The following MALT1 variants were observed in gnomAD, a reference collection of about 807,000 sequenced individuals.
The protein encoded by MALT1 is MALT1 paracaspase.
MALT1 carries 36 observed loss-of-function variants against 85.5 expected under a neutral mutation model. The ratio of observed to expected loss-of-function variants is 0.42; its 90% CI spans 0.32 to 0.56. MALT1 has a LOEUF of 0.56. MALT1 is among the 20% of genes least tolerant of loss of function. The pLI, the probability that MALT1 is intolerant of heterozygous loss-of-function variation, is 0.10. For synonymous variants in MALT1, 359 were observed against 361.3 expected, an observed-to-expected ratio of 0.99 and a Z score of 0.07; for missense variants, 716 against 981.6, an observed-to-expected ratio of 0.73 and a Z score of 3.62.
intron 2 of MALT1, among the ~76,000 whole-genome samples, chr18:58,696,158 C>G (rs1034174295): frequency 6.6e-6 from 1 of 152,220 alleles, no homozygotes; most frequent in African/African-American, 2.4e-5. Context: ...TCAAAGTCTT[C>G]TGCAAGTAAG....
intron 3 of MALT1, 106 bp downstream of exon 3, chr18:58,696,593 C>A: frequency 2.2e-6 from 2 of 910,446 alleles, no homozygotes; most frequent in Non-Finnish European, 3.1e-6. Context: ...GTAAAAGAGT[C>A]TGATAGACAT....
chr18:58,734,687 A>G (rs2055200968), intron 12 of MALT1: 2 of 279,508 alleles, frequency 7.2e-6, no homozygotes, highest in Non-Finnish European at 1.3e-5. Context: ...AAAATTTTAA[A>G]TGATCGACTT....
At position 58,753,813 on chromosome 18, in the gene MALT1, G is replaced by A. The variant is rs1050032529; in HGVS notation, c.*5971G>A. On this transcript the variant is annotated 3_prime_UTR_variant, in exon 17 of 17. Transcript: ENST00000649217. ...TTTAAGAACACATTTTTAACTTTTC[G>A]TAAGGAGTCTTCAGTTTAAAAGTAC... 4 of 152,174 alleles carry A rather than the reference G, an allele frequency of 2.6e-5. No individual in the cohort carries two copies. Among genetic ancestry groups the A allele is most frequent in the Middle Eastern group, 3.4e-3 (1 of 294 alleles). 9.4% of individuals were successfully genotyped at this position (152,174 alleles called of 1,614,324 possible).
rs373689542 is a variant in MALT1, at chr18:58,671,652, G to T, written c.9G>T (p.Leu3=). 1,440 of 1,218,716 alleles carry T rather than the reference G, an allele frequency of 1.2e-3. 36 individuals are homozygous for T. In the South Asian group the frequency reaches 0.05, roughly 42 times the overall value. The allele number at this position is 1,218,716 out of a possible 1,614,324, so 75.5% of individuals were successfully genotyped here. The change falls in exon 1 of 17, where the codon CTG becomes CTT. Residue 3 remains leucine (L), a synonymous_variant. Transcript: ENST00000649217. MS[L]LGDPLQALPP... ...GGTCGCCGGCGAGGGCCATGTCGCTGTTGGGGGACCCGCTACAGGCCCTGC... is the reference window on the plus strand; with the variant it reads ...GGTCGCCGGCGAGGGCCATGTCGCTTTTGGGGGACCCGCTACAGGCCCTGC...
chr18:58,701,845 G>A, intron 4 of MALT1, among the ~76,000 whole-genome samples: 2 of 152,216 alleles, frequency 1.3e-5, no homozygotes, highest in East Asian at 3.8e-4. Context: ...TGAAGGGAAA[G>A]TCTCGGTCTT....
At chr18:58,706,225 C>T (rs956238852) in intron 4 of MALT1, among the ~76,000 whole-genome samples, 1 of 152,138 alleles carries the variant, frequency 6.6e-6, no homozygotes, top group Non-Finnish European at 1.5e-5. Context: ...GGCGTGATCT[C>T]GGCTCACTGA....
chr18:58,696,593 C>T (rs749522220), intron 3 of MALT1, 106 bp downstream of exon 3: 1 of 910,448 alleles, frequency 1.1e-6, no homozygotes. Context: ...GTAAAAGAGT[C>T]TGATAGACAT....
At chr18:58,696,580 TTGG>T (rs1303426073) in intron 3 of MALT1, 93 bp downstream of exon 3, 2 of 1,071,558 alleles carry the variant, frequency 1.9e-6, no homozygotes, top group African/African-American at 3.3e-5. Context: ...TTTTAACAGT[TTGG>T]TAAAAGAGTC....
Position 58,742,029 on chromosome 18 carries a change from A to G in MALT1, c.1753+15A>G, listed in dbSNP as rs765783008. The G allele has an allele frequency of 3.4e-6, 5 of 1,474,848 alleles. No individual in the cohort carries two copies. The highest frequency in any genetic ancestry group is 4.6e-6 in the Non-Finnish European group (5 of 1,091,150). The allele number at this position is 1,474,848 out of a possible 1,614,324, so 91.4% of individuals were successfully genotyped here. A position where few individuals can be genotyped will look rare whatever the true frequency, so the allele number is the denominator to read the frequency against. On this transcript the variant is annotated intron_variant, in intron 14 of 16. Coordinates refer to ENST00000649217, the MANE Select transcript of MALT1 (RefSeq NM_006785.4). ...CAAGGCTCATGGTACGGTAAAGCCC[A>G]TTTTTTGTTAGATCTACAATATACT...
intron 2 of MALT1, among the ~76,000 whole-genome samples, chr18:58,685,398 A>C (rs2054387179): frequency 6.6e-6 from 1 of 152,202 alleles, no homozygotes; most frequent in Admixed American, 6.5e-5. Context: ...GTGGAACAAC[A>C]GTCAGAGGTA....
chr18:58,693,347 G>A (rs1432165237), intron 2 of MALT1, among the ~76,000 whole-genome samples: 2 of 152,172 alleles, frequency 1.3e-5, no homozygotes, highest in African/African-American at 2.4e-5. Flanking sequence ...GCTTACACCT[G>A]GAAGGCGGAG....
Position 58,714,125 on chromosome 18 carries a change from A to G in MALT1, c.985+16A>G. On this transcript the variant is annotated intron_variant, in intron 8 of 16. Coordinates refer to ENST00000649217, the MANE Select transcript of MALT1 (RefSeq NM_006785.4). Reference sequence around the variant, plus strand: ...GGTCATCCTGGTGAGTAATACAAACATAAAACTTTAGTTTTAGATTTTTAA... The same window carrying G: ...GGTCATCCTGGTGAGTAATACAAACGTAAAACTTTAGTTTTAGATTTTTAA... The G allele has an allele frequency of 1.6e-6, 2 of 1,231,838 alleles. No individual in the cohort carries two copies. The highest frequency in any genetic ancestry group is 2.3e-6 in the Non-Finnish European group (2 of 859,596). The allele number at this position is 1,231,838 out of a possible 1,614,324, so 76.3% of individuals were successfully genotyped here.
intron 1 of MALT1, 30 bp downstream of exon 1, chr18:58,671,882 C>CGCGGGTCGA (rs1214762109): frequency 3.3e-6 from 4 of 1,208,082 alleles, no homozygotes; most frequent in Non-Finnish European, 4.1e-6. Context: ...AGGCCGGGCG[C>CGCGGGTCGA]GCGGGTCGAG....
At chr18:58,674,551 T>TAAA (rs2054212853) in intron 1 of MALT1, among the ~76,000 whole-genome samples, 1 of 152,124 alleles carries the variant, frequency 6.6e-6, no homozygotes, top group African/African-American at 2.4e-5. Flanking sequence ...TCAGAAGAAT[T>TAAA]AAACGGACTT....
At chr18:58,675,823 T>A (rs2054231409) in intron 1 of MALT1, among the ~76,000 whole-genome samples, 1 of 152,220 alleles carries the variant, frequency 6.6e-6, no homozygotes, top group Non-Finnish European at 1.5e-5. Context: ...AACTCCTAGA[T>A]TCACGTATGT....
At chr18:58,687,432 T>C (rs908144748) in intron 2 of MALT1, among the ~76,000 whole-genome samples, 4 of 152,112 alleles carry the variant, frequency 2.6e-5, no homozygotes, top group Non-Finnish European at 5.9e-5. Context: ...GGACATACTT[T>C]GTGTAATGCC....
intron 2 of MALT1, among the ~76,000 whole-genome samples, chr18:58,687,999 G>A (rs923933789): frequency 6.6e-6 from 1 of 152,194 alleles, no homozygotes; most frequent in Non-Finnish European, 1.5e-5. Context: ...GAAGCTGTGT[G>A]TTCACCGTTT....
At chr18:58,687,539 T>C (rs2054423141) in intron 2 of MALT1, among the ~76,000 whole-genome samples, 1 of 152,202 alleles carries the variant, frequency 6.6e-6, no homozygotes, top group South Asian at 2.1e-4. Context: ...GTAGGGCATG[T>C]GGGTACTCTT....
intron 2 of MALT1, among the ~76,000 whole-genome samples, chr18:58,686,290 G>A (rs558642936): frequency 2.2e-4 from 33 of 152,318 alleles, no homozygotes; most frequent in Non-Finnish European, 4.3e-4. Context: ...GCCTCCCAAA[G>A]TACTGGGATT....
Sources: allele counts gnomAD v4.1 joint callset (sites outside exome capture counted in the v4.1 genomes callset), GRCh38; gene constraint gnomAD v4.1.1; transcripts MANE v1.5; gene names NCBI Gene and HGNC (gene_info 2026-07-23, HGNC 2026-07-21).